Variants in SLC9A2 observed in about 807,000 individuals in gnomAD.
SLC9A2 encodes sodium/hydrogen exchanger 2.
Under a neutral mutation model 71.7 loss-of-function variants are expected in SLC9A2, and 42 were observed. The observed-to-expected ratio is 0.59, with a 90% CI of 0.46 to 0.76. The LOEUF is 0.76. SLC9A2 is among the 30% of genes least tolerant of loss of function. The pLI is 0.00. For synonymous variants in SLC9A2, 396 were observed against 392.5 expected (o/e 1.01, Z -0.10); for missense variants, 829 against 1,017.4 (o/e 0.81, Z 2.52).
rs369912548 is a variant in SLC9A2 at position 102,702,386 on chromosome 2, C to A, written c.1749-20C>A. 2 of 1,355,048 alleles carry A rather than the reference C, an allele frequency of 1.5e-6. No homozygotes were observed. Among genetic ancestry groups the A allele is most frequent in the Admixed American group, 3.9e-5 (2 of 50,720 alleles). 83.9% of individuals were successfully genotyped at this position (1,355,048 alleles called of 1,614,324 possible). A position where few individuals can be genotyped will look rare whatever the true frequency, so the allele number is the denominator to read the frequency against. ...AATATTTGTTGAAAGGTAAAATATT[C>A]TTTTTCTAAACTTTCACAGTGATTG... On this transcript the variant is annotated intron_variant, in intron 8 of 11. Transcript: ENST00000233969.
chr2:102,680,163 T>G (rs111249690), intron 3 of SLC9A2, among the ~76,000 whole-genome samples: 1,769 of 152,134 alleles, frequency 0.012, 29 homozygotes, highest in African/African-American at 0.041. Context: ...GCAACATTTT[T>G]TTTTCCACTA....
chr2:102,676,022 G>A (rs1677340156), intron 3 of SLC9A2, among the ~76,000 whole-genome samples: 1 of 152,184 alleles, frequency 6.6e-6, no homozygotes, highest in African/African-American at 2.4e-5. Flanking sequence ...ACATTTACAC[G>A]TGGTCCACAG....
intron 1 of SLC9A2, among the ~76,000 whole-genome samples, chr2:102,621,656 G>A (rs531842573): frequency 7.9e-5 from 12 of 152,162 alleles, no homozygotes; most frequent in Non-Finnish European, 1.6e-4. Context: ...ATGAAAAGAC[G>A]CATTGTCTGC....
At chr2:102,662,487 T>C (rs2104523610) in intron 2 of SLC9A2, among the ~76,000 whole-genome samples, 1 of 152,238 alleles carries the variant, frequency 6.6e-6, no homozygotes, top group South Asian at 2.1e-4. Flanking sequence ...GCACCAACAG[T>C]ACAAGATGCT....
Position 102,657,973 on chromosome 2 carries a change from G to A in SLC9A2, c.699G>A (p.Glu233=), listed in dbSNP as rs766905940. ...TCTTTGAGAACATTCACGTCAATGA[G>A]CAGCTCTACATCCTGGTCTTTGGAG... ...LAVFENIHVN[E]QLYILVFGES... The change falls in exon 2 of 12, where the codon GAG becomes GAA. Residue 233 remains glutamate (E), a synonymous_variant. Transcript: ENST00000233969. 5 of 1,613,978 alleles carry A rather than the reference G, an allele frequency of 3.1e-6. No individual in the cohort carries two copies. The Admixed American group carries it at 8.3e-5, about 27-fold the overall frequency.
chr2:102,704,719 G>C (rs772796229), intron 10 of SLC9A2, 44 bp downstream of exon 10: 2 of 1,587,804 alleles, frequency 1.3e-6, no homozygotes, highest in South Asian at 1.1e-5. Flanking sequence ...GGGTGGAGCC[G>C]ACAGCTATTC....
At position 102,635,157 on chromosome 2, in the gene SLC9A2, A is replaced by G. The variant is rs145971577; in HGVS notation, c.289+15020A>G. ...ATGTCAACCCACGCTTTTCATCACCAGTATTCTAAGGCAGAAGCGTGCATC... is the reference window on the plus strand; with the variant it reads ...ATGTCAACCCACGCTTTTCATCACCGGTATTCTAAGGCAGAAGCGTGCATC... On this transcript the variant is annotated intron_variant, in intron 1 of 11. Transcript: ENST00000233969. Among the ~76,000 whole-genome samples the G allele has an allele frequency of 1.9e-3, 282 of 152,366 alleles. 1 individual carries two copies. The highest frequency in any genetic ancestry group is 6.1e-3 in the African/African-American group (255 of 41,590).
chr2:102,643,470 A>G (rs966382429), intron 1 of SLC9A2, among the ~76,000 whole-genome samples: 14 of 152,164 alleles, frequency 9.2e-5, no homozygotes, highest in African/African-American at 3.1e-4. Context: ...TTGTCTAGAT[A>G]AAGCCGGCTA....
intron 1 of SLC9A2, among the ~76,000 whole-genome samples, chr2:102,624,974 G>T (rs1676218517): frequency 6.6e-6 from 1 of 152,108 alleles, no homozygotes; most frequent in Non-Finnish European, 1.5e-5. Flanking sequence ...TTTGTCCTCT[G>T]GTTTTCCTGA....
At position 102,626,288 on chromosome 2, in the gene SLC9A2, C is replaced by A. The variant is rs1159182292; in HGVS notation, c.289+6151C>A. ...TACCACATATCTACAACTATCTGAT[C>A]TTTGACAAACCTGACAAAAACAAGA... On this transcript the variant is annotated intron_variant, in intron 1 of 11. Transcript: ENST00000233969. Among the ~76,000 whole-genome samples the A allele has an allele frequency of 2.0e-5, 3 of 152,166 alleles. No homozygotes were observed. In the East Asian group the frequency reaches 5.8e-4, roughly 29 times the overall value.
Position 102,657,854 on chromosome 2 carries a change from A to G in SLC9A2, c.580A>G (p.Ile194Val), listed in dbSNP as rs762536262. 2 of 1,614,218 alleles carry G rather than the reference A, an allele frequency of 1.2e-6. No individual in the cohort carries two copies. The highest frequency in any genetic ancestry group is 2.2e-5 in the South Asian group (2 of 91,084). The stretch of plus-strand genomic sequence containing the variant: ...GGTGTCTTTGTTTGGTATCTGCCAG[A>G]TCGAAGCATTCGGCCTCAGCGACAT... ...IGVSLFGICQ[I>V]EAFGLSDITL... is the part of the protein sequence containing the mutation. The change falls in exon 2 of 12, where the codon ATC becomes GTC. Residue 194 changes from isoleucine (I) to valine (V), a missense_variant. Around this residue, in one of 3 missense-constraint regions of SLC9A2, gnomAD observed 500 missense variants for 726.3 expected, o/e 0.69. Coordinates refer to ENST00000233969, the MANE Select transcript of SLC9A2 (RefSeq NM_003048.6).
At position 102,665,122 on chromosome 2, in the gene SLC9A2, C is replaced by T. The variant is rs146727651; in HGVS notation, c.776C>T (p.Ser259Leu). 2.5e-6 allele frequency: 4 copies of T among 1,612,820 alleles called. No homozygotes were observed. The highest frequency in any genetic ancestry group is 3.4e-6 in the Non-Finnish European group (4 of 1,179,642). The change falls in exon 3 of 12, where the codon TCG becomes TTG. Residue 259 changes from serine (S) to leucine (L), a missense_variant. By Grantham distance (145) the Ser-to-Leu change is moderately radical. Transcript: ENST00000233969. ...VTVVLYNLFK[S>L]FCQMKTIETI... ...CAGGTCCTGTACAACTTGTTCAAGT[C>T]GTTTTGCCAGATGAAAACCATTGAG...
At chr2:102,665,961 A>G (rs1016087911) in intron 3 of SLC9A2, among the ~76,000 whole-genome samples, 2 of 152,008 alleles carry the variant, frequency 1.3e-5, no homozygotes, top group African/African-American at 4.8e-5. Context: ...AGGCACCAAG[A>G]ATTGTACGAG....
intron 2 of SLC9A2, among the ~76,000 whole-genome samples, chr2:102,663,766 C>G (rs569496795): frequency 6.6e-6 from 1 of 152,264 alleles, no homozygotes; most frequent in African/African-American, 2.4e-5. Flanking sequence ...CAGGTGCTCC[C>G]AGAGTTGTAA....
At chr2:102,641,573 C>A (rs192131808) in intron 1 of SLC9A2, among the ~76,000 whole-genome samples, 20 of 151,938 alleles carry the variant, frequency 1.3e-4, no homozygotes, top group African/African-American at 4.6e-4. Context: ...GCCCCTCCCC[C>A]ACAGGGAAGA....
intron 1 of SLC9A2, among the ~76,000 whole-genome samples, chr2:102,629,153 T>C (rs1323226940): frequency 6.6e-6 from 1 of 152,114 alleles, no homozygotes; most frequent in East Asian, 1.9e-4. Flanking sequence ...TAAAATCACT[T>C]CTAAAATTGT....
intron 1 of SLC9A2, 87 bp from the exon 2 acceptor site, chr2:102,657,477 C>A (rs1676966174): frequency 5.1e-6 from 4 of 788,910 alleles, no homozygotes; most frequent in Non-Finnish European, 8.0e-6. Context: ...GAAACAGGAC[C>A]CACTGGTTCT....
At chr2:102,690,769 G>T (rs1677643380) in intron 5 of SLC9A2, among the ~76,000 whole-genome samples, 1 of 152,158 alleles carries the variant, frequency 6.6e-6, no homozygotes, top group African/African-American at 2.4e-5. Context: ...GTGACCAAGT[G>T]TGTGATGTGA....
At chr2:102,679,361 AC>A (rs1294798749) in intron 3 of SLC9A2, among the ~76,000 whole-genome samples, 2 of 146,658 alleles carry the variant, frequency 1.4e-5, no homozygotes, top group Admixed American at 7.2e-5. Flanking sequence ...TTTTATTCCT[AC>A]ACCAAAGCTA....
Sources: allele counts gnomAD v4.1 joint callset (sites outside exome capture counted in the v4.1 genomes callset), GRCh38; gene constraint gnomAD v4.1.1; regional missense constraint gnomAD v4.1.1; transcripts MANE v1.5; gene names NCBI Gene and HGNC (gene_info 2026-07-23, HGNC 2026-07-21).